The following LARGE1 variants were observed in gnomAD, a reference collection of about 807,000 sequenced individuals.
LARGE1 encodes xylosyl- and glucuronyltransferase LARGE1.
In LARGE1, 43 loss-of-function variants were observed where a neutral mutation model predicts 87.6. That is an observed-to-expected ratio of 0.49 (90% confidence interval 0.38 to 0.63). LARGE1 has a LOEUF of 0.63. LARGE1 is among the 30% of genes least tolerant of loss of function. LARGE1 has a pLI of 0.00. For synonymous variants in LARGE1, 434 were observed against 394.6 expected (o/e 1.10, Z -1.18); for missense variants, 802 against 1,000.2 (o/e 0.80, Z 2.67).
intron 6 of LARGE1, among the ~76,000 whole-genome samples, chr22:33,448,338 T>A (rs1237152506): frequency 1.3e-5 from 2 of 152,218 alleles, no homozygotes; most frequent in Admixed American, 6.5e-5. Flanking sequence ...TAGCTTGATT[T>A]GGTCATTCCA....
chr22:33,188,891 G>T (rs1923626872), intron 11 of LARGE1, among the ~76,000 whole-genome samples: 1 of 152,072 alleles, frequency 6.6e-6, no homozygotes, highest in Non-Finnish European at 1.5e-5. Flanking sequence ...TCTCTCTATT[G>T]CCTGTCAGCA....
intron 2 of LARGE1, among the ~76,000 whole-genome samples, chr22:33,735,008 T>C (rs1212875952): frequency 6.6e-6 from 1 of 152,146 alleles, no homozygotes; most frequent in Admixed American, 6.6e-5. Flanking sequence ...ATATGTCACT[T>C]TAGCAAAAGC....
rs551667805 is a variant in LARGE1 at position 33,348,245 on chromosome 22, C to A, written c.1132-10444G>T. On this transcript the variant is annotated intron_variant, in intron 9 of 14. Transcript: ENST00000397394. Reference sequence around the variant, plus strand: ...TTGCTCCACTGCACCCCAGCCTGGGCAACAGAGTGAGACTCTGTCCCCGCT... The same window carrying A: ...TTGCTCCACTGCACCCCAGCCTGGGAAACAGAGTGAGACTCTGTCCCCGCT... 4.6e-5 allele frequency among the ~76,000 whole-genome samples: 7 copies of A among 150,666 alleles called. No homozygotes were observed. The South Asian group carries it at 1.1e-3, about 23-fold the overall frequency.
intron 6 of LARGE1, among the ~76,000 whole-genome samples, chr22:33,483,294 AG>A (rs1286061366): frequency 1.3e-5 from 2 of 152,114 alleles, no homozygotes; most frequent in Non-Finnish European, 1.5e-5. Context: ...TCTCTTAGAG[AG>A]GAAGGTATTT....
chr22:33,332,276 G>A (rs948122350), intron 10 of LARGE1, among the ~76,000 whole-genome samples: 2 of 152,142 alleles, frequency 1.3e-5, no homozygotes, highest in East Asian at 3.9e-4. Context: ...TAAGTCTCAT[G>A]AGATCTGATG....
intron 11 of LARGE1, among the ~76,000 whole-genome samples, chr22:33,194,067 G>C (rs940135030): frequency 6.6e-6 from 1 of 150,946 alleles, no homozygotes; most frequent in Admixed American, 6.6e-5. Flanking sequence ...TATACTGTCT[G>C]CATTATTCAT....
chr22:33,347,981 G>C (rs1174587267), intron 9 of LARGE1, among the ~76,000 whole-genome samples: 1 of 152,138 alleles, frequency 6.6e-6, no homozygotes, highest in African/African-American at 2.4e-5. Flanking sequence ...CTCTATGGGG[G>C]AAGGAGGAGT....
At chr22:33,871,673 G>A (rs962750540) in intron 1 of LARGE1, among the ~76,000 whole-genome samples, 13 of 151,252 alleles carry the variant, frequency 8.6e-5, no homozygotes, top group African/African-American at 1.7e-4. Context: ...AAGCGTGCAC[G>A]CACACACACA....
chr22:33,845,823 G>A (rs2051553), intron 1 of LARGE1, among the ~76,000 whole-genome samples: 99,829 of 151,834 alleles, frequency 0.66, 33,560 homozygotes, highest in African/African-American at 0.79. Flanking sequence ...CTTTCTCCCC[G>A]CCCCGTGATT....
chr22:33,425,883 C>T (rs1032365573), intron 7 of LARGE1, among the ~76,000 whole-genome samples: 13 of 152,094 alleles, frequency 8.5e-5, no homozygotes, highest in African/African-American at 2.2e-4. Context: ...ACTACAGGCA[C>T]GTGCCACCAT....
At chr22:33,918,653 A>C (rs2065855541) in intron 1 of LARGE1, among the ~76,000 whole-genome samples, 1 of 152,206 alleles carries the variant, frequency 6.6e-6, no homozygotes, top group Non-Finnish European at 1.5e-5. Context: ...ATGGGAGAAG[A>C]AACAACCACC....
At chr22:33,079,896 C>T in the LARGE1 span, among the ~76,000 whole-genome samples, 1 of 152,098 alleles carries the variant, frequency 6.6e-6, no homozygotes, top group Admixed American at 6.6e-5. Context: ...GCTCTTTTCT[C>T]CGACAATGGC....
intron 2 of LARGE1, among the ~76,000 whole-genome samples, chr22:33,726,404 A>T (rs1418927979): frequency 6.6e-6 from 1 of 152,218 alleles, no homozygotes; most frequent in Non-Finnish European, 1.5e-5. Context: ...GAGGTGTAGA[A>T]GATCACTGAC....
At chr22:33,230,649 C>G (rs1386314396) in intron 11 of LARGE1, among the ~76,000 whole-genome samples, 1 of 152,130 alleles carries the variant, frequency 6.6e-6, no homozygotes, top group African/African-American at 2.4e-5. Context: ...AGGTGGGGCT[C>G]ATTTTATGGG....
chr22:33,489,362 C>T (rs1198100470), intron 6 of LARGE1, among the ~76,000 whole-genome samples: 1 of 152,172 alleles, frequency 6.6e-6, no homozygotes, highest in Non-Finnish European at 1.5e-5. Context: ...TTATTGAACA[C>T]TTCACTATGC....
At chr22:33,852,311 G>GT (rs140737029) in intron 1 of LARGE1, among the ~76,000 whole-genome samples, 32 of 149,640 alleles carry the variant, frequency 2.1e-4, no homozygotes, top group Non-Finnish European at 2.4e-4. Context: ...CCCAGATGAA[G>GT]TTTTTTTTTT....
chr22:33,605,997 AACAG>A (rs1384176619), intron 4 of LARGE1, among the ~76,000 whole-genome samples: 2 of 152,196 alleles, frequency 1.3e-5, no homozygotes, highest in Admixed American at 6.5e-5. Flanking sequence ...TGAGGAGAGC[AACAG>A]ACAAAGGCTG....
intron 2 of LARGE1, among the ~76,000 whole-genome samples, chr22:33,689,512 CA>C (rs1307982560): frequency 6.6e-6 from 1 of 151,424 alleles, no homozygotes; most frequent in East Asian, 1.9e-4. Context: ...AAGAAAGAGG[CA>C]AAAAGGAAAT....
the LARGE1 span, among the ~76,000 whole-genome samples, chr22:33,157,128 T>C: frequency 2.6e-5 from 4 of 152,144 alleles, no homozygotes; most frequent in Admixed American, 2.0e-4. Context: ...ACTAATATCA[T>C]AGTTAATAAA....
Sources: allele counts gnomAD v4.1 joint callset (sites outside exome capture counted in the v4.1 genomes callset), GRCh38; gene constraint gnomAD v4.1.1; transcripts MANE v1.5; gene names NCBI Gene and HGNC (gene_info 2026-07-23, HGNC 2026-07-21).